PTPN18: variants seen among roughly 807,000 people sequenced by gnomAD.
PTPN18 encodes protein tyrosine phosphatase non-receptor type 18.
Under a neutral mutation model 65.4 loss-of-function variants are expected in PTPN18, and 65 were observed. The ratio of observed to expected loss-of-function variants is 0.99; its 90% CI spans 0.81 to 1.22. PTPN18 has a LOEUF of 1.22. Ranked by LOEUF, PTPN18 falls within the 50% of genes most tolerant of loss-of-function variation. The probability of loss-of-function intolerance (pLI) is 0.00; values close to 1 mark genes in which losing one functional copy is unlikely to be tolerated. For missense variants in PTPN18, 616 were observed against 646.5 expected, an observed-to-expected ratio of 0.95 and a Z score of 0.51; for synonymous variants, 255 against 267.8, an observed-to-expected ratio of 0.95 and a Z score of 0.47.
At chr2:130,371,151 C>T in intron 11 of PTPN18, 48 bp from the exon 12 acceptor site, 2 of 1,510,262 alleles carry the variant, frequency 1.3e-6, no homozygotes, top group Non-Finnish European at 1.8e-6. Context: ...CCTTGAGAGG[C>T]CTGGCCAGCT....
chr2:130,372,220 C>G (rs774301587), intron 12 of PTPN18, 37 bp from the exon 13 acceptor site: 2 of 1,547,774 alleles, frequency 1.3e-6, no homozygotes, highest in Admixed American at 3.7e-5. Context: ...TGCCCAGCGC[C>G]GCCGTTTCAC....
At chr2:130,362,446 C>A in intron 5 of PTPN18, 1 of 242,518 alleles carries the variant, frequency 4.1e-6, no homozygotes, top group Non-Finnish European at 8.3e-6. Context: ...TTTTATTAAT[C>A]TATTGCATAG....
At chr2:130,370,653 G>A in intron 9 of PTPN18, 30 bp downstream of exon 9, 1 of 1,614,088 alleles carries the variant, frequency 6.2e-7, no homozygotes, top group Non-Finnish European at 8.5e-7. Context: ...TGTGTGCAGT[G>A]TGCTGCCCAT....
chr2:130,364,729 G>A lies in PTPN18; in HGVS notation c.415-4404G>A, dbSNP rs111413543. ...GAGAATGGTGTGAACCCATGAGGCG[G>A]AGCTTGCAGTGAGCCGAGATCGCAC... On this transcript the variant is annotated intron_variant, in intron 5 of 14. Transcript: ENST00000175756. Among the ~76,000 whole-genome samples the A allele has an allele frequency of 0.012, 1,785 of 152,338 alleles. 92 individuals carry two copies. In the East Asian group the frequency reaches 0.16, roughly 14 times the overall value.
intron 1 of PTPN18, among the ~76,000 whole-genome samples, chr2:130,358,155 C>G (rs1369642721): frequency 6.6e-6 from 1 of 152,202 alleles, no homozygotes; most frequent in Non-Finnish European, 1.5e-5. Flanking sequence ...CTGCGCTCTT[C>G]TAGGTGTTCC....
rs9967796 is a variant in PTPN18 at position 130,374,296 on chromosome 2, A to G, written c.*1072A>G. 0.19 allele frequency: 43,611 copies of G among 235,332 alleles called. 4,340 individuals are homozygous for G. Among genetic ancestry groups the G allele is most frequent in the African/African-American group, 0.22 (9,752 of 44,168 alleles). 14.6% of individuals were successfully genotyped at this position (235,332 alleles called of 1,614,324 possible). A position where few individuals can be genotyped will look rare whatever the true frequency, so the allele number is the denominator to read the frequency against. On this transcript the variant is annotated 3_prime_UTR_variant, in exon 15 of 15. Transcript: ENST00000175756. ...CTCCCAACCAGACTGACCCCTTACT[A>G]TTCACACAGCCTGCCGAGTAGCTGG...
chr2:130,372,048 C>G, intron 12 of PTPN18: 1 of 532,020 alleles, frequency 1.9e-6, no homozygotes, highest in South Asian at 2.3e-5. Flanking sequence ...AAATTACCCT[C>G]CAGGCTGACC....
chr2:130,375,037 C>G lies in PTPN18; in HGVS notation c.*1813C>G, dbSNP rs1476188146. On this transcript the variant is annotated 3_prime_UTR_variant, in exon 15 of 15. Coordinates refer to ENST00000175756, the MANE Select transcript of PTPN18 (RefSeq NM_014369.4). ...CCTTTCCTTCCTGTTCTCTGTGCCCCTACTCCCACTCTAGAGCTGCCCCGT... is the reference window on the plus strand; with the variant it reads ...CCTTTCCTTCCTGTTCTCTGTGCCCGTACTCCCACTCTAGAGCTGCCCCGT... 1 of 231,406 alleles carries G rather than the reference C, an allele frequency of 4.3e-6. No homozygotes were observed. Among genetic ancestry groups the G allele is most frequent in the Non-Finnish European group, 8.8e-6 (1 of 113,228 alleles). The allele number at this position is 231,406 out of a possible 1,614,324, so 14.3% of individuals were successfully genotyped here. A position where few individuals can be genotyped will look rare whatever the true frequency, so the allele number is the denominator to read the frequency against.
Position 130,370,754 on chromosome 2 carries a change from AGCAGCG to A in PTPN18, c.809_814del (p.Gln270_Arg271del). ...TTTGATGTGGTCCTTAAGATGAGGA[AGCAGCG>A]GCCTGCGGCCGTGCAGACAGAGGTG... is the stretch of plus-strand genomic sequence containing the variant. On this transcript the variant is annotated inframe_deletion, in exon 10 of 15. Transcript: ENST00000175756. 1 of 1,614,200 alleles carries A rather than the reference AGCAGCG, an allele frequency of 6.2e-7. No individual in the cohort carries two copies. Among genetic ancestry groups the A allele is most frequent in the Middle Eastern group, 1.6e-4 (1 of 6,062 alleles).
At chr2:130,372,079 T>C in intron 12 of PTPN18, 178 bp from the exon 13 acceptor site, 2 of 561,428 alleles carry the variant, frequency 3.6e-6, no homozygotes, top group Non-Finnish European at 6.1e-6. Context: ...TTCATCCCCC[T>C]AACTTGCAGG....
chr2:130,369,877 GTTTCCTCTCCTGTAAAAA>G, intron 7 of PTPN18, 50 bp downstream of exon 7: 2 of 1,547,740 alleles, frequency 1.3e-6, no homozygotes, highest in Non-Finnish European at 1.8e-6. Flanking sequence ...AAGGGGAGAG[GTTTCCTCTCCTGTAAAAA>G]TGGGCATCAT....
At chr2:130,363,094 C>T (rs1680272918) in intron 5 of PTPN18, among the ~76,000 whole-genome samples, 1 of 150,664 alleles carries the variant, frequency 6.6e-6, no homozygotes, top group Non-Finnish European at 1.5e-5. Flanking sequence ...GCTGGGATTA[C>T]AGGCATGAGC....
At position 130,375,073 on chromosome 2, in the gene PTPN18, T is replaced by C; in HGVS notation, c.*1849T>C. ...CTAGAGCTGCCCCGTTTCTCTGTTT[T>C]CGTGAAAGAGCTGACCCTGTGCTGC... On this transcript the variant is annotated 3_prime_UTR_variant, in exon 15 of 15. Transcript: ENST00000175756. 1 of 201,334 alleles carries C rather than the reference T, an allele frequency of 5.0e-6. No homozygotes were observed. The allele number at this position is 201,334 out of a possible 1,614,324, so 12.5% of individuals were successfully genotyped here.
chr2:130,373,003 A>T lies in PTPN18; in HGVS notation c.1315+56A>T. The T allele has an allele frequency of 6.2e-7, 1 of 1,602,582 alleles. No homozygotes were observed. The highest frequency in any genetic ancestry group is 8.5e-7 in the Non-Finnish European group (1 of 1,169,848). On this transcript the variant is annotated intron_variant, in intron 14 of 14. Coordinates refer to ENST00000175756, the MANE Select transcript of PTPN18 (RefSeq NM_014369.4). The surrounding 1 kb of genome is among the most constrained non-coding windows in gnomAD (Gnocchi z 4.1). Reference sequence around the variant, plus strand: ...CTTTGCTGCTTTGAGTGAACCCAGGAGTCTGGGGTTGATGGGGCATGGAGC... The same window carrying T: ...CTTTGCTGCTTTGAGTGAACCCAGGTGTCTGGGGTTGATGGGGCATGGAGC...
At chr2:130,359,368 ATCTC>A in intron 3 of PTPN18, 25 bp from the exon 4 acceptor site, 1 of 1,614,126 alleles carries the variant, frequency 6.2e-7, no homozygotes, top group Non-Finnish European at 8.5e-7. Flanking sequence ...GGGCCGCAGA[ATCTC>A]AGTCGTGAAT....
At chr2:130,362,789 C>G (rs1165552972) in intron 5 of PTPN18, among the ~76,000 whole-genome samples, 1 of 152,042 alleles carries the variant, frequency 6.6e-6, no homozygotes, top group Non-Finnish European at 1.5e-5. Context: ...CTGAGCTATG[C>G]AACTATTACC....
chr2:130,372,067 C>T (rs1680581265), intron 12 of PTPN18, 190 bp from the exon 13 acceptor site: 1 of 545,016 alleles, frequency 1.8e-6, no homozygotes, highest in East Asian at 3.5e-5. Context: ...CCCCGTTCCT[C>T]CTTCATCCCC....
rs76476478 is a variant in PTPN18, at chr2:130,370,105, A to G, written c.604A>G (p.Ser202Gly). 417 of 1,614,152 alleles carry G rather than the reference A, an allele frequency of 2.6e-4. 1 individual carries two copies. In the East Asian group the frequency reaches 7.1e-3, roughly 27 times the overall value. The change falls in exon 8 of 15, where the codon AGC (serine) becomes GGC (glycine). Residue 202 changes from serine to glycine, a missense_variant. Ser to Gly is a moderately conservative substitution (Grantham distance 56). This residue lies in a region of PTPN18 where 368 missense variants were observed against 386.7 expected (regional missense o/e 0.95). Transcript: ENST00000175756. ...GTCCTGGCCAGACCGTGGGGTCCCCAGCAGTCCTGACCACATGCTCGCCAT... is the reference window on the plus strand; with the variant it reads ...GTCCTGGCCAGACCGTGGGGTCCCCGGCAGTCCTGACCACATGCTCGCCAT... ...YMSWPDRGVP[S>G]SPDHMLAMVE...
rs1435393870 is a variant in PTPN18, at chr2:130,370,948, A to C, written c.908A>C (p.Tyr303Ser). 1.5e-5 allele frequency: 24 copies of C among 1,613,732 alleles called. No individual in the cohort carries two copies. The highest frequency in any genetic ancestry group is 1.9e-5 in the Non-Finnish European group (23 of 1,179,886). ...ACACTCCAGAATGCCAGCCCCCACT[A>C]CCAGAACATCAAAGAGGTACAGAGG... ...CSTLQNASPH[Y>S]QNIKENCAPL... Residue 303 changes from tyrosine to serine, a missense_variant, in exon 11 of 15, where the codon TAC (tyrosine) becomes TCC (serine). Physicochemically the swap from Tyr to Ser is moderately radical, Grantham distance 144 (BLOSUM62 -2). This residue lies in a region of PTPN18 where 368 missense variants were observed against 386.7 expected (regional missense o/e 0.95). Coordinates refer to ENST00000175756, the MANE Select transcript of PTPN18 (RefSeq NM_014369.4).
Sources: gnomAD v4.1 joint callset for allele counts (sites outside exome capture counted in the v4.1 genomes callset) on GRCh38, gnomAD v4.1.1 for gene constraint, gnomAD v4.1.1 regional missense constraint, Gnocchi (gnomAD v3.1) non-coding constraint, MANE v1.5 for transcripts, NCBI Gene and HGNC (gene_info 2026-07-23, HGNC 2026-07-21) for gene names.